The following ZNF892 variants were observed in gnomAD, a reference collection of about 807,000 sequenced individuals.
ZNF892 encodes zinc finger protein 570-like.
chr2:95,211,462 A>G, the ZNF892 span, among the ~76,000 whole-genome samples: 1 of 152,252 alleles, frequency 6.6e-6, no homozygotes, highest in Non-Finnish European at 1.5e-5. Flanking sequence ...CATATTCACC[A>G]GAGAATCTTA....
At chr2:95,249,229 ATATTTTTTTT>A in the ZNF892 span, among the ~76,000 whole-genome samples, 8 of 70,624 alleles carry the variant, frequency 1.1e-4, no homozygotes, top group Admixed American at 2.0e-4. Flanking sequence ...ATATATATAT[ATATTTTTTTT>A]TTTTTTTTTT....
the ZNF892 span, among the ~76,000 whole-genome samples, chr2:95,225,569 C>T: frequency 6.6e-6 from 1 of 152,182 alleles, no homozygotes; most frequent in African/African-American, 2.4e-5. Context: ...CTCTTAACAC[C>T]GGCAATTAAA....
At chr2:95,258,341 C>T in the ZNF892 span, among the ~76,000 whole-genome samples, 41 of 152,324 alleles carry the variant, frequency 2.7e-4, 1 homozygote, top group Admixed American at 1.6e-3. Flanking sequence ...CCAGTCCCCA[C>T]TGCCTGGAGT....
At chr2:95,241,256 C>A in the ZNF892 span, among the ~76,000 whole-genome samples, 17 of 152,174 alleles carry the variant, frequency 1.1e-4, no homozygotes, top group Non-Finnish European at 1.6e-4. Flanking sequence ...CAGGTCAGCA[C>A]CCCCCTGGGA....
chr2:95,254,253 C>T, the ZNF892 span, among the ~76,000 whole-genome samples: 2 of 152,122 alleles, frequency 1.3e-5, no homozygotes, highest in African/African-American at 2.4e-5. Context: ...GAGATACGTC[C>T]CATCAATACC....
chr2:95,251,552 A>G, the ZNF892 span, among the ~76,000 whole-genome samples: 1 of 152,196 alleles, frequency 6.6e-6, no homozygotes, highest in African/African-American at 2.4e-5. Flanking sequence ...GACTGTCCCC[A>G]TGAGAGCCTA....
the ZNF892 span, among the ~76,000 whole-genome samples, chr2:95,250,618 CTATTCATAAATTATAAAT>C: frequency 5.3e-5 from 7 of 130,904 alleles, no homozygotes; most frequent in African/African-American, 1.7e-4. Flanking sequence ...TAAATATAAA[CTATTCATAAATTATAAAT>C]TTATAAATAT....
chr2:95,232,278 C>G, the ZNF892 span, among the ~76,000 whole-genome samples: 1 of 152,210 alleles, frequency 6.6e-6, no homozygotes, highest in African/African-American at 2.4e-5. Flanking sequence ...GCATCAGGCA[C>G]TGTTTTAATT....
chr2:95,225,187 TCTTTC>T, the ZNF892 span, among the ~76,000 whole-genome samples: 2 of 152,238 alleles, frequency 1.3e-5, no homozygotes, highest in African/African-American at 2.4e-5. Context: ...TTAAAAACAT[TCTTTC>T]CTTTTTTAAA....
chr2:95,256,293 C>G, the ZNF892 span, among the ~76,000 whole-genome samples: 1 of 152,130 alleles, frequency 6.6e-6, no homozygotes, highest in Non-Finnish European at 1.5e-5. Context: ...TCAGCATTTG[C>G]TTGTCTGTAA....
chr2:95,209,903 G>C, the ZNF892 span, among the ~76,000 whole-genome samples: 1 of 152,040 alleles, frequency 6.6e-6, no homozygotes, highest in African/African-American at 2.4e-5. Flanking sequence ...TAAAAGTGTG[G>C]GATTTCTTAC....
At chr2:95,222,517 A>G in the ZNF892 span, among the ~76,000 whole-genome samples, 2 of 152,174 alleles carry the variant, frequency 1.3e-5, no homozygotes, top group Non-Finnish European at 1.5e-5. Context: ...TATTTTATCC[A>G]TTCTAGTAGA....
chr2:95,222,576 TA>T, the ZNF892 span, among the ~76,000 whole-genome samples: 1 of 152,250 alleles, frequency 6.6e-6, no homozygotes, highest in Admixed American at 6.5e-5. Flanking sequence ...CCTTAGTGAC[TA>T]ATGATGTTGA....
At chr2:95,258,894 CA>C in the ZNF892 span, among the ~76,000 whole-genome samples, 2 of 152,120 alleles carry the variant, frequency 1.3e-5, no homozygotes, top group African/African-American at 4.8e-5. Flanking sequence ...AGGAGAAAAA[CA>C]AACACATTTA....
chr2:95,225,039 C>A, the ZNF892 span, among the ~76,000 whole-genome samples: 1 of 152,276 alleles, frequency 6.6e-6, no homozygotes, highest in South Asian at 2.1e-4. Flanking sequence ...TTTCTATTCG[C>A]TATAAATTAC....
At chr2:95,246,002 C>A in the ZNF892 span, among the ~76,000 whole-genome samples, 1 of 152,166 alleles carries the variant, frequency 6.6e-6, no homozygotes, top group Non-Finnish European at 1.5e-5. Context: ...GGGACTCCTC[C>A]CTAACTCATT....
the ZNF892 span, among the ~76,000 whole-genome samples, chr2:95,208,424 A>G: frequency 1.3e-5 from 2 of 152,214 alleles, no homozygotes; most frequent in African/African-American, 4.8e-5. Context: ...TGTTTAATTT[A>G]TATGTCCAGA....
chr2:95,243,513 G>T, the ZNF892 span, among the ~76,000 whole-genome samples: 1 of 151,646 alleles, frequency 6.6e-6, no homozygotes, highest in Non-Finnish European at 1.5e-5. Context: ...CCCCGTCCGG[G>T]ATGTGAGGAG....
At chr2:95,248,124 T>C in the ZNF892 span, among the ~76,000 whole-genome samples, 1 of 152,200 alleles carries the variant, frequency 6.6e-6, no homozygotes, top group African/African-American at 2.4e-5. Context: ...AAAGAAAATG[T>C]GGAACATATA....
Sources: gnomAD v4.1 joint callset for allele counts (sites outside exome capture counted in the v4.1 genomes callset) on GRCh38, gnomAD v4.1.1 for gene constraint, MANE v1.5 for transcripts, NCBI Gene and HGNC (gene_info 2026-07-23, HGNC 2026-07-21) for gene names.